The following DYNC1I1 variants were observed in gnomAD, a reference collection of about 807,000 sequenced individuals.
DYNC1I1 encodes the protein dynein cytoplasmic 1 intermediate chain 1, also known as cytoplasmic dynein 1 intermediate chain 1.
DYNC1I1 carries 43 observed loss-of-function variants against 86.6 expected under a neutral mutation model. The ratio of observed to expected loss-of-function variants is 0.50; its 90% CI spans 0.39 to 0.64. The LOEUF (loss-of-function observed/expected upper bound fraction) is 0.64, where lower values mean the gene tolerates loss of function less well. DYNC1I1 is among the 30% of genes least tolerant of loss of function. The probability of loss-of-function intolerance (pLI) is 0.00; values close to 1 mark genes in which losing one functional copy is unlikely to be tolerated. For missense variants in DYNC1I1, 604 were observed against 788.8 expected (o/e 0.77, Z 2.81); for synonymous variants, 262 against 283.7 (o/e 0.92, Z 0.77).
At chr7:96,057,620 A>G (rs537643745) in intron 14 of DYNC1I1, among the ~76,000 whole-genome samples, 2 of 152,332 alleles carry the variant, frequency 1.3e-5, no homozygotes, top group South Asian at 4.1e-4. Flanking sequence ...AGAAAATTTA[A>G]TACCTGAATA....
chr7:95,919,858 C>T (rs1215284077), intron 6 of DYNC1I1, among the ~76,000 whole-genome samples: 2 of 152,022 alleles, frequency 1.3e-5, no homozygotes, highest in Admixed American at 1.3e-4. Flanking sequence ...AAATGAATAG[C>T]GTATTATTGG....
intron 6 of DYNC1I1, among the ~76,000 whole-genome samples, chr7:95,875,569 C>T (rs1290587024): frequency 6.6e-6 from 1 of 152,178 alleles, no homozygotes; most frequent in Non-Finnish European, 1.5e-5. Flanking sequence ...CTCTCATCTG[C>T]ATCTCTCTCT....
At chr7:95,907,535 T>C (rs1030760402) in intron 6 of DYNC1I1, among the ~76,000 whole-genome samples, 1 of 152,132 alleles carries the variant, frequency 6.6e-6, no homozygotes, top group Non-Finnish European at 1.5e-5. Flanking sequence ...GTGCCTGTGG[T>C]CTTGCTCTTC....
chr7:96,083,047 G>A (rs1790570565), intron 16 of DYNC1I1, among the ~76,000 whole-genome samples: 1 of 151,956 alleles, frequency 6.6e-6, no homozygotes, highest in Admixed American at 6.6e-5. Context: ...CATATAATAG[G>A]CCAAACAATT....
chr7:96,019,193 C>T (rs1292366452), intron 10 of DYNC1I1, among the ~76,000 whole-genome samples: 1 of 152,068 alleles, frequency 6.6e-6, no homozygotes, highest in African/African-American at 2.4e-5. Flanking sequence ...ATAAAATCTG[C>T]TCTCTGCAAT....
chr7:95,802,104 T>C (rs1203548126), intron 1 of DYNC1I1, among the ~76,000 whole-genome samples: 3 of 150,898 alleles, frequency 2.0e-5, no homozygotes, highest in Non-Finnish European at 4.4e-5. Flanking sequence ...CAGTCCCCCA[T>C]CCCACTTCTC....
chr7:95,933,074 G>T (rs1791944719), intron 6 of DYNC1I1, among the ~76,000 whole-genome samples: 1 of 151,634 alleles, frequency 6.6e-6, no homozygotes, highest in African/African-American at 2.4e-5. Context: ...TAGAGATGGG[G>T]GTCTCACCAT....
intron 1 of DYNC1I1, among the ~76,000 whole-genome samples, chr7:95,788,235 G>T (rs1794200951): frequency 6.6e-6 from 1 of 152,156 alleles, no homozygotes; most frequent in African/African-American, 2.4e-5. Flanking sequence ...CCCATTAGGG[G>T]GCTTCTGCAG....
intron 9 of DYNC1I1, among the ~76,000 whole-genome samples, chr7:95,990,992 G>A (rs1584231930): frequency 6.6e-6 from 1 of 151,834 alleles, no homozygotes; most frequent in African/African-American, 2.4e-5. Flanking sequence ...TCTCATCACT[G>A]CATTCAAGGC....
chr7:95,946,393 C>T (rs967955884), intron 6 of DYNC1I1, among the ~76,000 whole-genome samples: 9 of 152,216 alleles, frequency 5.9e-5, no homozygotes, highest in African/African-American at 1.7e-4. Context: ...CTTCAATTAG[C>T]GTGTTTGGAA....
intron 10 of DYNC1I1, among the ~76,000 whole-genome samples, chr7:96,010,619 G>T (rs563896060): frequency 1.3e-5 from 2 of 152,146 alleles, no homozygotes; most frequent in African/African-American, 2.4e-5. Context: ...GGGCTTTTTG[G>T]GGGTGGAGAG....
intron 16 of DYNC1I1, among the ~76,000 whole-genome samples, chr7:96,105,033 G>A (rs1184290015): frequency 6.9e-6 from 1 of 144,606 alleles, no homozygotes; most frequent in African/African-American, 2.6e-5. Flanking sequence ...AATAGGTTGT[G>A]CAAACATTTT....
At position 95,890,714 on chromosome 7, in the gene DYNC1I1, T is replaced by A. The variant is rs1002263459; in HGVS notation, c.490+20716T>A. ...CATCGCAGTCACCAGAAAGGTATGTTAATAAAAATTAGGTTGCTCAGCCCC... is the reference window on the plus strand; with the variant it reads ...CATCGCAGTCACCAGAAAGGTATGTAAATAAAAATTAGGTTGCTCAGCCCC... On this transcript the variant is annotated intron_variant, in intron 6 of 16. Coordinates refer to ENST00000447467, the MANE Select transcript of DYNC1I1 (RefSeq NM_001135556.2). Among the ~76,000 whole-genome samples the A allele has an allele frequency of 9.2e-5, 14 of 152,332 alleles. No individual in the cohort carries two copies. In the East Asian group the frequency reaches 1.7e-3, roughly 19 times the overall value.
chr7:95,932,173 T>G (rs1024140959), intron 6 of DYNC1I1, among the ~76,000 whole-genome samples: 2 of 152,216 alleles, frequency 1.3e-5, no homozygotes, highest in African/African-American at 4.8e-5. Context: ...AAAGTTAAAC[T>G]TATTTTATCA....
At chr7:95,997,926 T>C (rs892933711) in intron 10 of DYNC1I1, among the ~76,000 whole-genome samples, 1 of 152,166 alleles carries the variant, frequency 6.6e-6, no homozygotes, top group Non-Finnish European at 1.5e-5. Context: ...TGATATTTAG[T>C]ATTTCTGAAC....
chr7:95,886,721 G>GA lies in DYNC1I1; in HGVS notation c.490+16732dup, dbSNP rs938247419. ...AAATCCTTACCAAGGAAGCAAAGTG[G>GA]AAAAAAAAATTGAGGAAATTCCAGA... is the stretch of plus-strand genomic sequence containing the variant. On this transcript the variant is annotated intron_variant, in intron 6 of 16. Coordinates refer to ENST00000447467, the MANE Select transcript of DYNC1I1 (RefSeq NM_001135556.2). Among the ~76,000 whole-genome samples, 14 of 151,332 alleles carry GA rather than the reference G, an allele frequency of 9.3e-5. 1 individual carries two copies. The highest frequency in any genetic ancestry group is 2.7e-4 in the African/African-American group (11 of 41,250).
chr7:96,050,410 T>C (rs572998713), intron 14 of DYNC1I1, among the ~76,000 whole-genome samples: 1 of 152,354 alleles, frequency 6.6e-6, no homozygotes, highest in East Asian at 1.9e-4. Context: ...TTAGAAATAC[T>C]GTAGTTAAAT....
intron 6 of DYNC1I1, among the ~76,000 whole-genome samples, chr7:95,873,478 A>G (rs762360645): frequency 5.3e-5 from 8 of 152,240 alleles, no homozygotes; most frequent in Non-Finnish European, 1.0e-4. Flanking sequence ...TCTTAATATT[A>G]GAGAATTAAG....
intron 6 of DYNC1I1, among the ~76,000 whole-genome samples, chr7:95,886,367 G>C (rs1320146192): frequency 6.6e-6 from 1 of 152,090 alleles, no homozygotes; most frequent in Non-Finnish European, 1.5e-5. Context: ...TGGGGAGGCG[G>C]AGGTTGCAGT....
Sources: gnomAD v4.1 joint callset for allele counts (sites outside exome capture counted in the v4.1 genomes callset) on GRCh38, gnomAD v4.1.1 for gene constraint, MANE v1.5 for transcripts, NCBI Gene and HGNC (gene_info 2026-07-23, HGNC 2026-07-21) for gene names.